RABGAP1L: variants seen among roughly 807,000 people sequenced by gnomAD.
RABGAP1L encodes rab GTPase-activating protein 1-like.
A neutral mutation model predicts 137.7 loss-of-function variants in RABGAP1L; 63 were observed. The ratio of observed to expected loss-of-function variants is 0.46; its 90% CI spans 0.37 to 0.56. The LOEUF is 0.56. Ranked by LOEUF, RABGAP1L falls within the 20% of genes least tolerant of loss-of-function variation. RABGAP1L has a pLI of 0.00. For missense variants in RABGAP1L, 1,095 were observed against 1,244.0 expected (o/e 0.88, Z 1.80); for synonymous variants, 431 against 433.7 (o/e 0.99, Z 0.08).
At chr1:174,896,432 T>G (rs1157815207) in intron 19 of RABGAP1L, among the ~76,000 whole-genome samples, 1 of 152,232 alleles carries the variant, frequency 6.6e-6, no homozygotes, top group African/African-American at 2.4e-5. Flanking sequence ...GTGCAGAAGC[T>G]CTTTAGTTTA....
chr1:174,581,204 CA>C (rs1165292440), intron 13 of RABGAP1L, among the ~76,000 whole-genome samples: 6 of 152,144 alleles, frequency 3.9e-5, no homozygotes, highest in South Asian at 4.1e-4. Flanking sequence ...CAAAGCAACA[CA>C]AAAACTTCTA....
chr1:174,306,625 T>TA (rs1471404782), intron 11 of RABGAP1L, among the ~76,000 whole-genome samples: 1 of 152,240 alleles, frequency 6.6e-6, no homozygotes, highest in East Asian at 1.9e-4. Flanking sequence ...TCATGATTGT[T>TA]ACGTCATGTC....
intron 14 of RABGAP1L, among the ~76,000 whole-genome samples, chr1:174,655,247 G>T (rs895353111): frequency 7.9e-5 from 12 of 152,234 alleles, no homozygotes; most frequent in Middle Eastern, 3.4e-3. Flanking sequence ...GTTCTTGATA[G>T]ATTAGAAAAA....
At chr1:174,538,555 A>G (rs957530874) in intron 13 of RABGAP1L, among the ~76,000 whole-genome samples, 5 of 152,150 alleles carry the variant, frequency 3.3e-5, no homozygotes, top group Non-Finnish European at 5.9e-5. Flanking sequence ...CAATGCTACC[A>G]TGTACTCTTT....
chr1:174,477,791 G>A (rs771519304), intron 13 of RABGAP1L, among the ~76,000 whole-genome samples: 1 of 152,096 alleles, frequency 6.6e-6, no homozygotes, highest in Non-Finnish European at 1.5e-5. Flanking sequence ...TACAAAATAA[G>A]TTTTTACTGT....
At chr1:174,243,760 A>T (rs567005964) in intron 5 of RABGAP1L, among the ~76,000 whole-genome samples, 4 of 152,122 alleles carry the variant, frequency 2.6e-5, no homozygotes, top group Non-Finnish European at 5.9e-5. Flanking sequence ...TTTATTCTCA[A>T]AAGTGTTGTG....
chr1:174,960,277 A>G (rs1292980067), intron 20 of RABGAP1L, among the ~76,000 whole-genome samples: 1 of 152,158 alleles, frequency 6.6e-6, no homozygotes, highest in Admixed American at 6.5e-5. Context: ...GCATATGTAA[A>G]AGGGCTATCA....
At chr1:174,816,573 C>G (rs2148872412) in intron 19 of RABGAP1L, among the ~76,000 whole-genome samples, 2 of 152,154 alleles carry the variant, frequency 1.3e-5, no homozygotes, top group South Asian at 4.1e-4. Context: ...GATGAAATTA[C>G]CATTCCTGTT....
At chr1:174,626,344 A>G (rs925610266) in intron 13 of RABGAP1L, among the ~76,000 whole-genome samples, 1 of 152,194 alleles carries the variant, frequency 6.6e-6, no homozygotes, top group African/African-American at 2.4e-5. Flanking sequence ...GCTTTGTTCT[A>G]TTCAAGTATT....
chr1:174,325,039 A>G (rs1433990269), intron 11 of RABGAP1L, among the ~76,000 whole-genome samples: 1 of 152,170 alleles, frequency 6.6e-6, no homozygotes, highest in Non-Finnish European at 1.5e-5. Flanking sequence ...GAGAATACTG[A>G]ATTATTTCTG....
intron 11 of RABGAP1L, among the ~76,000 whole-genome samples, chr1:174,354,877 A>G (rs920674853): frequency 1.3e-5 from 2 of 152,236 alleles, no homozygotes; most frequent in Non-Finnish European, 2.9e-5. Flanking sequence ...CTTTCTACAT[A>G]TGGCTAGCCA....
intron 17 of RABGAP1L, among the ~76,000 whole-genome samples, chr1:174,732,184 T>G (rs1682530999): frequency 7.4e-6 from 1 of 135,480 alleles, no homozygotes; most frequent in African/African-American, 3.1e-5. Flanking sequence ...GGCGACAGAG[T>G]GAGACCCCAT....
chr1:174,639,882 C>G (rs1227384424), intron 14 of RABGAP1L, among the ~76,000 whole-genome samples: 1 of 152,090 alleles, frequency 6.6e-6, no homozygotes, highest in Non-Finnish European at 1.5e-5. Context: ...ATTCCCAGAG[C>G]TCATGTGGCC....
At chr1:174,816,745 T>TC (rs563324519) in intron 19 of RABGAP1L, among the ~76,000 whole-genome samples, 163 of 151,700 alleles carry the variant, frequency 1.1e-3, no homozygotes, top group Middle Eastern at 3.4e-3. Context: ...TTTTTTTTTT[T>TC]TTTTTGAGAT....
chr1:174,635,519 A>G (rs767037089), intron 13 of RABGAP1L, among the ~76,000 whole-genome samples: 1 of 152,166 alleles, frequency 6.6e-6, no homozygotes, highest in Non-Finnish European at 1.5e-5. Context: ...ATACCTTTAT[A>G]CTTACCTTAT....
At chr1:174,193,024 G>A (rs1348384066) in intron 1 of RABGAP1L, among the ~76,000 whole-genome samples, 2 of 152,130 alleles carry the variant, frequency 1.3e-5, no homozygotes, top group African/African-American at 4.8e-5. Context: ...TTGTAAGGTG[G>A]GAATACAGTT....
At chr1:174,238,104 C>T in intron 4 of RABGAP1L, among the ~76,000 whole-genome samples, 1 of 152,088 alleles carries the variant, frequency 6.6e-6, no homozygotes, top group East Asian at 1.9e-4. Flanking sequence ...GTTCTCGAGC[C>T]TTGGTTTTCA....
At chr1:174,689,746 T>C (rs1181550748) in intron 15 of RABGAP1L, among the ~76,000 whole-genome samples, 2 of 152,194 alleles carry the variant, frequency 1.3e-5, no homozygotes, top group Non-Finnish European at 1.5e-5. Flanking sequence ...TTTGGCCTGG[T>C]TGGGTAGGGC....
chr1:174,892,066 G>A (rs181664209), intron 19 of RABGAP1L, among the ~76,000 whole-genome samples: 7 of 152,354 alleles, frequency 4.6e-5, no homozygotes, highest in South Asian at 2.1e-4. Context: ...CATGGTGGCC[G>A]CAGCGGTAGC....
Sources: gnomAD v4.1 joint callset for allele counts (sites outside exome capture counted in the v4.1 genomes callset) on GRCh38, gnomAD v4.1.1 for gene constraint, MANE v1.5 for transcripts, NCBI Gene and HGNC (gene_info 2026-07-23, HGNC 2026-07-21) for gene names.